LRRIQ1: variants seen among roughly 807,000 people sequenced by gnomAD.
The protein encoded by LRRIQ1 is leucine rich repeats and IQ motif containing 1.
A neutral mutation model predicts 211.9 loss-of-function variants in LRRIQ1; 210 were observed. The observed-to-expected ratio is 0.99, with a 90% CI of 0.89 to 1.11. LRRIQ1 has a LOEUF of 1.11. Among genes scored for constraint, LRRIQ1 ranks in the 50% most tolerant of loss-of-function variants. LRRIQ1 has a pLI of 0.00. For missense variants in LRRIQ1, 2,136 were observed against 1,939.5 expected (o/e 1.10, Z -1.90); for synonymous variants, 699 against 650.1 (o/e 1.08, Z -1.14).
At chr12:85,132,630 G>A (rs1245120016) in intron 18 of LRRIQ1, among the ~76,000 whole-genome samples, 1 of 151,956 alleles carries the variant, frequency 6.6e-6, no homozygotes, top group Non-Finnish European at 1.5e-5. Context: ...TAACTGGGTG[G>A]CATGTACCTG....
In LRRIQ1 at chr12:85,047,377, A is replaced by G. The variant is rs1207471589; in HGVS notation, c.585A>G (p.Arg195=). The change falls in exon 6 of 27, where the codon AGA becomes AGG. Residue 195 remains arginine, a synonymous_variant. Coordinates refer to ENST00000393217, the MANE Select transcript of LRRIQ1 (RefSeq NM_001079910.2). ...EKQTLKAQRD[R]EEKQFQEEEE... is the part of the protein sequence containing the mutation. ...AAACTCTCAAAGCTCAGAGGGATAG[A>G]GAAGAAAAACAATTTCAAGAAGAAG... is the stretch of plus-strand genomic sequence containing the variant. The G allele has an allele frequency of 1.9e-6, 3 of 1,609,524 alleles. 1 individual carries two copies. In the Admixed American group the frequency reaches 5.0e-5, roughly 27 times the overall value.
At chr12:85,191,738 G>T (rs553677527) in intron 24 of LRRIQ1, among the ~76,000 whole-genome samples, 1 of 152,082 alleles carries the variant, frequency 6.6e-6, no homozygotes, top group Non-Finnish European at 1.5e-5. Flanking sequence ...TGGCCAACGT[G>T]ACTGTACCAT....
intron 24 of LRRIQ1, among the ~76,000 whole-genome samples, chr12:85,210,749 C>T (rs1231473853): frequency 6.6e-6 from 1 of 150,936 alleles, no homozygotes; most frequent in Non-Finnish European, 1.5e-5. Context: ...ATGTACTGCC[C>T]TTTAGTTTCA....
chr12:85,203,907 C>T (rs1592966472), intron 24 of LRRIQ1, among the ~76,000 whole-genome samples: 1 of 152,118 alleles, frequency 6.6e-6, no homozygotes, highest in African/African-American at 2.4e-5. Context: ...GCATGAGTAA[C>T]GAGGACCCAA....
intron 24 of LRRIQ1, among the ~76,000 whole-genome samples, chr12:85,213,373 T>C (rs1376658575): frequency 6.6e-6 from 1 of 151,922 alleles, no homozygotes; most frequent in Non-Finnish European, 1.5e-5. Flanking sequence ...AAGTAGCAAA[T>C]TCCACAACTA....
At chr12:85,166,846 TGTCA>T (rs1891176524) in intron 24 of LRRIQ1, among the ~76,000 whole-genome samples, 1 of 152,248 alleles carries the variant, frequency 6.6e-6, no homozygotes. Context: ...TTTATCAGTA[TGTCA>T]GTCTCCAACA....
chr12:85,154,462 T>G (rs1277102502), intron 23 of LRRIQ1, among the ~76,000 whole-genome samples: 1 of 151,344 alleles, frequency 6.6e-6, no homozygotes, highest in Non-Finnish European at 1.5e-5. Flanking sequence ...GCTTGATTAT[T>G]CAATAAATTG....
intron 24 of LRRIQ1, among the ~76,000 whole-genome samples, chr12:85,195,456 C>T (rs1415606876): frequency 4.0e-5 from 6 of 151,556 alleles, no homozygotes; most frequent in Non-Finnish European, 8.9e-5. Context: ...TCCAGCAGCA[C>T]ATCAAAAAGC....
intron 24 of LRRIQ1, among the ~76,000 whole-genome samples, chr12:85,224,113 G>C (rs1388646254): frequency 2.7e-5 from 4 of 150,106 alleles, no homozygotes; most frequent in Non-Finnish European, 5.9e-5. Context: ...TTTTAAAATG[G>C]ATTAATTATT....
intron 24 of LRRIQ1, among the ~76,000 whole-genome samples, chr12:85,228,887 G>A (rs2137175461): frequency 6.6e-6 from 1 of 152,194 alleles, no homozygotes; most frequent in Non-Finnish European, 1.5e-5. Flanking sequence ...TGCGATTTAG[G>A]TTTTAAGAGG....
chr12:85,217,517 TGTGTGTGTG>T (rs1267686776), intron 24 of LRRIQ1, among the ~76,000 whole-genome samples: 1 of 57,626 alleles, frequency 1.7e-5, no homozygotes, highest in African/African-American at 2.4e-4. Context: ...TATGTGTGTG[TGTGTGTGTG>T]TGTGTGTGTG....
chr12:85,079,711 A>T lies in LRRIQ1; in HGVS notation c.2887+6613A>T, dbSNP rs544037103. Among the ~76,000 whole-genome samples the T allele has an allele frequency of 2.0e-5, 3 of 152,194 alleles. No individual in the cohort carries two copies. The East Asian group carries it at 5.8e-4, about 29-fold the overall frequency. ...TATCATTAATTTCATATAATCATTG[A>T]TGTATTTGAGATTAAACCATCTTAC... On this transcript the variant is annotated intron_variant, in intron 11 of 26. Transcript: ENST00000393217.
At chr12:85,109,124 T>G (rs1487134200) in intron 15 of LRRIQ1, among the ~76,000 whole-genome samples, 1 of 152,118 alleles carries the variant, frequency 6.6e-6, no homozygotes, top group Admixed American at 6.6e-5. Flanking sequence ...TACAGAAGAA[T>G]TAAATGTCTG....
chr12:85,143,233 C>A lies in LRRIQ1; in HGVS notation c.4329+5264C>A, dbSNP rs1023319548. Among the ~76,000 whole-genome samples, 7 of 151,650 alleles carry A rather than the reference C, an allele frequency of 4.6e-5. No homozygotes were observed. In the East Asian group the frequency reaches 1.2e-3, roughly 25 times the overall value. On this transcript the variant is annotated intron_variant, in intron 19 of 26. Coordinates refer to ENST00000393217, the MANE Select transcript of LRRIQ1 (RefSeq NM_001079910.2). ...AAGCTGTTAAGCATTTTTTCATATACCTATTAGCCACTTGTATGTCTTCTT... is the reference window on the plus strand; with the variant it reads ...AAGCTGTTAAGCATTTTTTCATATAACTATTAGCCACTTGTATGTCTTCTT...
intron 24 of LRRIQ1, among the ~76,000 whole-genome samples, chr12:85,220,453 T>G: frequency 6.6e-6 from 1 of 151,924 alleles, no homozygotes; most frequent in Non-Finnish European, 1.5e-5. Flanking sequence ...TGTTGTGCTT[T>G]TCATGAAAAA....
At chr12:85,092,001 G>A (rs1042500685) in intron 11 of LRRIQ1, among the ~76,000 whole-genome samples, 6 of 152,140 alleles carry the variant, frequency 3.9e-5, no homozygotes, top group Non-Finnish European at 7.3e-5. Context: ...TCCACCACCT[G>A]TCAGTTCATC....
In LRRIQ1 at chr12:85,121,706, A is replaced by G; in HGVS notation, c.3387A>G (p.Leu1129=). 3 of 1,580,564 alleles carry G rather than the reference A, an allele frequency of 1.9e-6. No individual in the cohort carries two copies. Among genetic ancestry groups the G allele is most frequent in the Non-Finnish European group, 2.6e-6 (3 of 1,166,044 alleles). ...LLQETNWRDS[L]LKVLPALRIL... ...TTGTTGTTTTCAATAGGGATTCTCT[A>G]CTTAAAGTGTTGCCTGCTCTGAGAA... is the stretch of plus-strand genomic sequence containing the variant. The change falls in exon 16 of 27, where the codon CTA becomes CTG. Residue 1129 remains leucine (L), a synonymous_variant. Transcript: ENST00000393217.
At chr12:85,069,481 G>C in intron 10 of LRRIQ1, among the ~76,000 whole-genome samples, 1 of 152,026 alleles carries the variant, frequency 6.6e-6, no homozygotes, top group African/African-American at 2.4e-5. Context: ...GGGTCAAACG[G>C]TATTTCTAGT....
intron 24 of LRRIQ1, among the ~76,000 whole-genome samples, chr12:85,192,727 A>G (rs1375794462): frequency 2.0e-5 from 2 of 102,498 alleles, no homozygotes; most frequent in Non-Finnish European, 3.4e-5. Context: ...AAATATATAT[A>G]GTTATATACT....
Sources: gnomAD v4.1 joint callset for allele counts (sites outside exome capture counted in the v4.1 genomes callset) on GRCh38, gnomAD v4.1.1 for gene constraint, MANE v1.5 for transcripts, NCBI Gene and HGNC (gene_info 2026-07-23, HGNC 2026-07-21) for gene names.